RAD50: variants seen among roughly 807,000 people sequenced by gnomAD.
The protein encoded by RAD50 is RAD50 double strand break repair protein, also known as DNA repair protein RAD50.
A neutral mutation model predicts 168.8 loss-of-function variants in RAD50; 132 were observed. The ratio of observed to expected loss-of-function variants is 0.78; its 90% CI spans 0.68 to 0.90. The LOEUF is 0.90. RAD50 is among the 40% of genes least tolerant of loss of function. RAD50 has a pLI of 0.00. For synonymous variants in RAD50, 525 were observed against 497.4 expected (o/e 1.06, Z -0.74); for missense variants, 1,347 against 1,534.4 (o/e 0.88, Z 2.04).
chr5:132,627,644 T>C (rs1751394115), intron 21 of RAD50, among the ~76,000 whole-genome samples: 2 of 152,226 alleles, frequency 1.3e-5, no homozygotes. Flanking sequence ...TAGTCAGGGA[T>C]AGACCATTCC....
chr5:132,589,150 T>C (rs1750650605), intron 8 of RAD50, among the ~76,000 whole-genome samples: 1 of 152,210 alleles, frequency 6.6e-6, no homozygotes, highest in African/African-American at 2.4e-5. Flanking sequence ...TGCTCACAGT[T>C]AATGATTATC....
chr5:132,579,857 C>A lies in RAD50; in HGVS notation c.552-5C>A. ...AAATTTGATTTTTGTTTCATATCTT[C>A]AAAGATACATTAAAGCCTTAGAAAC... On this transcript the variant is annotated splice_region_variant and splice_polypyrimidine_tract_variant and intron_variant, in intron 4 of 24. Transcript: ENST00000378823. 1 of 1,605,466 alleles carries A rather than the reference C, an allele frequency of 6.2e-7. No homozygotes were observed. Among genetic ancestry groups the A allele is most frequent in the South Asian group, 1.1e-5 (1 of 90,758 alleles).
At chr5:132,611,304 T>C (rs539735413) in intron 19 of RAD50, among the ~76,000 whole-genome samples, 2 of 152,030 alleles carry the variant, frequency 1.3e-5, no homozygotes, top group African/African-American at 4.8e-5. Flanking sequence ...GGCAGGAGAA[T>C]CGCTTGAACC....
chr5:132,579,571 C>CT, intron 4 of RAD50, 69 bp downstream of exon 4: 2 of 1,491,614 alleles, frequency 1.3e-6, no homozygotes, highest in East Asian at 4.5e-5. Context: ...TTGGATGCTT[C>CT]TTTTTAACAG....
chr5:132,574,025 C>T (rs1321259674), intron 2 of RAD50, among the ~76,000 whole-genome samples: 2 of 152,226 alleles, frequency 1.3e-5, no homozygotes, highest in Admixed American at 6.5e-5. Flanking sequence ...GTGCACAGTG[C>T]AAGCTGTCAG....
intron 5 of RAD50, among the ~76,000 whole-genome samples, chr5:132,581,258 C>T (rs1045717729): frequency 2.7e-5 from 4 of 148,270 alleles, no homozygotes; most frequent in Non-Finnish European, 5.9e-5. Flanking sequence ...AGCCACCACG[C>T]CCGGCTAAAT....
chr5:132,557,630 A>G (rs1353228434), intron 1 of RAD50, among the ~76,000 whole-genome samples, 177 bp downstream of exon 1: 1 of 152,194 alleles, frequency 6.6e-6, no homozygotes, highest in African/African-American at 2.4e-5. Flanking sequence ...GTTTGCCTGA[A>G]GCAGTCTCGG....
chr5:132,628,688 A>C (rs1751410202), intron 21 of RAD50, among the ~76,000 whole-genome samples: 1 of 152,152 alleles, frequency 6.6e-6, no homozygotes. Context: ...TCTACTAAAA[A>C]TGCAAAAATT....
In RAD50 at chr5:132,575,915, AT is replaced by A. The variant is rs587781721; in HGVS notation, c.354del (p.Thr119LeufsTer11). 18 of 1,609,974 alleles carry A rather than the reference AT, an allele frequency of 1.1e-5. No individual in the cohort carries two copies. The highest frequency in any genetic ancestry group is 1.5e-5 in the Non-Finnish European group (18 of 1,176,526). On this transcript the variant is annotated frameshift_variant, in exon 3 of 25. Coordinates refer to ENST00000378823, the MANE Select transcript of RAD50 (RefSeq NM_005732.4). LOFTEE classifies it high-confidence loss of function. ...AGAATTTAAAACTCTGGAAGGAGTC[AT>A]TACTAGAACAAAGTAGGTGTTTATA... ...KTEFKTLEGV[I>X]TRTKHGEKVS...
intron 6 of RAD50, 28 bp downstream of exon 6, chr5:132,587,718 T>A (rs890015914): frequency 1.2e-6 from 2 of 1,613,274 alleles, no homozygotes; most frequent in Non-Finnish European, 1.7e-6. Context: ...TTTGTTCTGC[T>A]TCAAAATTTT....
In RAD50 at chr5:132,565,457, G is replaced by C. The variant is rs545728592; in HGVS notation, c.213+6090G>C. On this transcript the variant is annotated intron_variant, in intron 2 of 24. Transcript: ENST00000378823. ...TGTATGCCAGTCTTCCTTATCCTGC[G>C]TAGGCTCTTGACTCTTCATTCTGAC... 3.9e-5 allele frequency among the ~76,000 whole-genome samples: 6 copies of C among 152,104 alleles called. No individual in the cohort carries two copies. The South Asian group carries it at 1.2e-3, about 32-fold the overall frequency.
intron 3 of RAD50, among the ~76,000 whole-genome samples, chr5:132,577,934 C>T (rs1750427844): frequency 6.6e-6 from 1 of 151,566 alleles, no homozygotes; most frequent in African/African-American, 2.4e-5. Flanking sequence ...CCTGCCTCAG[C>T]CTCCTGAGTA....
rs1751208945 is a variant in RAD50, at chr5:132,618,091, G to T, written c.3186G>T (p.Glu1062Asp). 1.9e-6 allele frequency: 3 copies of T among 1,613,354 alleles called. No individual in the cohort carries two copies. The highest frequency in any genetic ancestry group is 2.5e-6 in the Non-Finnish European group (3 of 1,179,582). ...ACAGTGAACATCAGAAGTTGGAAGAGAACATAGACAATATAAAAAGAAATC... is the reference window on the plus strand; with the variant it reads ...ACAGTGAACATCAGAAGTTGGAAGATAACATAGACAATATAAAAAGAAATC... The part of the protein sequence containing the change: ...QMKSEHQKLE[E>D]NIDNIKRNHN... The change falls in exon 21 of 25, where the codon GAG (glutamate) becomes GAT (aspartate). Residue 1062 changes from glutamate to aspartate, a missense_variant. By Grantham distance (45) the Glu-to-Asp change is conservative (BLOSUM62 2). This residue lies in a region of RAD50 where 635 missense variants were observed against 739.2 expected (regional missense o/e 0.86). Coordinates refer to ENST00000378823, the MANE Select transcript of RAD50 (RefSeq NM_005732.4).
At chr5:132,637,409 G>A (rs893665972) in intron 22 of RAD50, among the ~76,000 whole-genome samples, 29 of 152,104 alleles carry the variant, frequency 1.9e-4, no homozygotes, top group African/African-American at 5.6e-4. Flanking sequence ...TTACATATTT[G>A]ACTGCAGTAG....
At chr5:132,577,199 C>A (rs1750415360) in intron 3 of RAD50, among the ~76,000 whole-genome samples, 2 of 152,252 alleles carry the variant, frequency 1.3e-5, no homozygotes, top group South Asian at 4.1e-4. Context: ...AGATCATGCC[C>A]TCTTACTCTG....
chr5:132,582,554 C>G (rs1043910710), intron 5 of RAD50, among the ~76,000 whole-genome samples: 1 of 152,144 alleles, frequency 6.6e-6, no homozygotes, highest in African/African-American at 2.4e-5. Flanking sequence ...CCTTTATCTT[C>G]GGGAACTCTC....
chr5:132,593,907 C>T (rs937972851), intron 11 of RAD50, among the ~76,000 whole-genome samples: 2 of 152,056 alleles, frequency 1.3e-5, no homozygotes, highest in Non-Finnish European at 2.9e-5. Flanking sequence ...AGGGTGAGAG[C>T]CAGATAGCTG....
intron 2 of RAD50, among the ~76,000 whole-genome samples, chr5:132,570,003 C>G (rs1033437935): frequency 1.3e-5 from 2 of 152,136 alleles, no homozygotes; most frequent in African/African-American, 4.8e-5. Flanking sequence ...AGAAACCAAT[C>G]AGTATAATTT....
chr5:132,602,549 T>C (rs1484138424), intron 13 of RAD50, among the ~76,000 whole-genome samples: 1 of 152,120 alleles, frequency 6.6e-6, no homozygotes, highest in East Asian at 1.9e-4. Context: ...TCCTTCCTTT[T>C]TTTCCTGTAA....
Sources: gnomAD v4.1 joint callset for allele counts (sites outside exome capture counted in the v4.1 genomes callset) on GRCh38, gnomAD v4.1.1 for gene constraint, gnomAD v4.1.1 regional missense constraint, MANE v1.5 for transcripts, NCBI Gene and HGNC (gene_info 2026-07-23, HGNC 2026-07-21) for gene names.